ZNF778: variants seen among roughly 807,000 people sequenced by gnomAD.
ZNF778 encodes the protein zinc finger protein 778.
Under a neutral mutation model 23.9 loss-of-function variants are expected in ZNF778, and 37 were observed. The observed-to-expected ratio is 1.54, with a 90% CI of 1.19 to 2.03. The LOEUF (loss-of-function observed/expected upper bound fraction) is 2.03. ZNF778 is among the 30% of genes most tolerant of loss of function. ZNF778 has a pLI of 0.00. For synonymous variants in ZNF778, 483 were observed against 343.9 expected (o/e 1.40, Z -4.48); for missense variants, 1,297 against 934.4 (o/e 1.39, Z -5.06).
At chr16:89,223,977 A>G (rs1449957098) in intron 4 of ZNF778, among the ~76,000 whole-genome samples, 3 of 151,292 alleles carry the variant, frequency 2.0e-5, no homozygotes, top group African/African-American at 4.9e-5. Context: ...TAATCCCAGC[A>G]CTCTGGGAGG....
At position 89,217,735 on chromosome 16, in the gene ZNF778, TGCGTGCTGGCGCCG is replaced by T. The variant is rs2030475789; in HGVS notation, c.-305_-292del. On this transcript the variant is annotated 5_prime_UTR_variant, in exon 1 of 7. Coordinates refer to ENST00000433976, the MANE Select transcript of ZNF778 (RefSeq NM_001201407.2). The stretch of plus-strand genomic sequence containing the variant: ...ACAGCTGATCCGGTTCTTGCGGCGG[TGCGTGCTGGCGCCG>T]GAGAGTTCCGCGCGTGTCCTCGGGC... 1 of 152,216 alleles carries T rather than the reference TGCGTGCTGGCGCCG, an allele frequency of 6.6e-6. No homozygotes were observed. The highest frequency in any genetic ancestry group is 1.5e-5 in the Non-Finnish European group (1 of 68,024). The allele number at this position is 152,216 out of a possible 1,614,324, so 9.4% of individuals were successfully genotyped here.
chr16:89,233,952 G>A lies in ZNF778; in HGVS notation c.*5390G>A, dbSNP rs1326960267. On this transcript the variant is annotated 3_prime_UTR_variant, in exon 7 of 7. Coordinates refer to ENST00000433976, the MANE Select transcript of ZNF778 (RefSeq NM_001201407.2). ...CATGCTGTATGCCCTTGGGCCTGCTGGAAGTATGCAGACTAGCCAGCCCCA... is the reference window on the plus strand; with the variant it reads ...CATGCTGTATGCCCTTGGGCCTGCTAGAAGTATGCAGACTAGCCAGCCCCA... The A allele has an allele frequency of 1.6e-5, 21 of 1,282,222 alleles. No homozygotes were observed. The highest frequency in any genetic ancestry group is 1.9e-5 in the Non-Finnish European group (19 of 982,484). The allele number at this position is 1,282,222 out of a possible 1,614,324, so 79.4% of individuals were successfully genotyped here. A position where few individuals can be genotyped will look rare whatever the true frequency, so the allele number is the denominator to read the frequency against.
chr16:89,227,764 G>C lies in ZNF778; in HGVS notation c.1476G>C (p.Leu492=). The C allele has an allele frequency of 6.2e-7, 1 of 1,612,866 alleles. No homozygotes were observed. Among genetic ancestry groups the C allele is most frequent in the South Asian group, 1.1e-5 (1 of 91,004 alleles). ...AATCCTTCACTGTTTCTTCAAGCCT[G>C]ACTGAGCACGCGAGAATCCATACCG... ...CGKSFTVSSS[L]TEHARIHTGE... Residue 492 remains leucine (L), a synonymous_variant, in exon 7 of 7, where the codon CTG becomes CTC. Coordinates refer to ENST00000433976, the MANE Select transcript of ZNF778 (RefSeq NM_001201407.2).
At position 89,228,740 on chromosome 16, in the gene ZNF778, C is replaced by G; in HGVS notation, c.*178C>G. 1.4e-6 allele frequency: 2 copies of G among 1,415,470 alleles called. No individual in the cohort carries two copies. Among genetic ancestry groups the G allele is most frequent in the Non-Finnish European group, 1.8e-6 (2 of 1,089,732 alleles). The allele number at this position is 1,415,470 out of a possible 1,614,324, so 87.7% of individuals were successfully genotyped here. On this transcript the variant is annotated 3_prime_UTR_variant, in exon 7 of 7. Coordinates refer to ENST00000433976, the MANE Select transcript of ZNF778 (RefSeq NM_001201407.2). ...ATGCAGCAGACACAGAGAAAGCCCTCAGTGTTCTCTAAGGTCTTGCTGAAT... is the reference window on the plus strand; with the variant it reads ...ATGCAGCAGACACAGAGAAAGCCCTGAGTGTTCTCTAAGGTCTTGCTGAAT...
intron 6 of ZNF778, 114 bp downstream of exon 6, chr16:89,225,745 AG>A: frequency 1.0e-6 from 1 of 971,254 alleles, no homozygotes. Flanking sequence ...TCACTCAGGC[AG>A]GGGTTGTCTG....
chr16:89,225,476 T>A (rs545360136), intron 5 of ZNF778, 79 bp from the exon 6 acceptor site: 1 of 1,206,866 alleles, frequency 8.3e-7, no homozygotes, highest in African/African-American at 1.5e-5. Context: ...TTTGCTTTGT[T>A]TTTTTTTCTG....
At position 89,228,349 on chromosome 16, in the gene ZNF778, C is replaced by A. The variant is rs1158887624; in HGVS notation, c.2061C>A (p.His687Gln). The change falls in exon 7 of 7, where the codon CAC (histidine) becomes CAA (glutamine). Residue 687 changes from histidine (H) to glutamine (Q), a missense_variant. Coordinates refer to ENST00000433976, the MANE Select transcript of ZNF778 (RefSeq NM_001201407.2). Reference sequence around the variant, plus strand: ...GGAAAGCCTTCCGTGCCTCCTCTCACCTGCATAAACATGGAAGAATTCACA... The same window carrying A: ...GGAAAGCCTTCCGTGCCTCCTCTCAACTGCATAAACATGGAAGAATTCACA... ...ECGKAFRASS[H>Q]LHKHGRIHTG... 1 of 1,613,556 alleles carries A rather than the reference C, an allele frequency of 6.2e-7. No individual in the cohort carries two copies. Among genetic ancestry groups the A allele is most frequent in the East Asian group, 2.2e-5 (1 of 44,892 alleles).
chr16:89,228,671 C>T lies in ZNF778; in HGVS notation c.*109C>T, dbSNP rs2031726275. ...TTGAGGAATGTGGCTAGGCAATCAGCATCTCATCACAACCCGGCAGGCAGG... is the reference window on the plus strand; with the variant it reads ...TTGAGGAATGTGGCTAGGCAATCAGTATCTCATCACAACCCGGCAGGCAGG... On this transcript the variant is annotated 3_prime_UTR_variant, in exon 7 of 7. Transcript: ENST00000433976. The T allele has an allele frequency of 2.7e-6, 4 of 1,497,198 alleles. No homozygotes were observed. Among genetic ancestry groups the T allele is most frequent in the Non-Finnish European group, 3.5e-6 (4 of 1,129,270 alleles). The allele number at this position is 1,497,198 out of a possible 1,614,324, so 92.7% of individuals were successfully genotyped here.
rs2032072536 is a variant in ZNF778, at chr16:89,233,309, CGT to C, written c.*4748_*4749del. 7.8e-7 allele frequency: 1 copy of C among 1,279,888 alleles called. No homozygotes were observed. Among genetic ancestry groups the C allele is most frequent in the African/African-American group, 1.6e-5 (1 of 62,316 alleles). The allele number at this position is 1,279,888 out of a possible 1,614,324, so 79.3% of individuals were successfully genotyped here. On this transcript the variant is annotated 3_prime_UTR_variant, in exon 7 of 7. Coordinates refer to ENST00000433976, the MANE Select transcript of ZNF778 (RefSeq NM_001201407.2). ...TGCGTATGCAACTCAGCTCGCTCTG[CGT>C]ATGCAACTCAGCTCGCTCTGCGTAT...
Position 89,231,585 on chromosome 16 carries a change from T to C in ZNF778, c.*3023T>C, listed in dbSNP as rs1031720052. 6.6e-6 allele frequency: 1 copy of C among 152,142 alleles called. No homozygotes were observed. Among genetic ancestry groups the C allele is most frequent in the Non-Finnish European group, 1.5e-5 (1 of 68,054 alleles). The allele number at this position is 152,142 out of a possible 1,614,324, so 9.4% of individuals were successfully genotyped here. ...GGTTCCTAAGGCACAAATTTGATAT[T>C]TGAGATTCTGTGATGAGCTGAGCTT... On this transcript the variant is annotated 3_prime_UTR_variant, in exon 7 of 7. Transcript: ENST00000433976.
In ZNF778 at chr16:89,232,901, T is replaced by A; in HGVS notation, c.*4339T>A. 7.8e-7 allele frequency: 1 copy of A among 1,282,518 alleles called. No homozygotes were observed. Among genetic ancestry groups the A allele is most frequent in the South Asian group, 1.3e-5 (1 of 79,282 alleles). The allele number at this position is 1,282,518 out of a possible 1,614,324, so 79.4% of individuals were successfully genotyped here. A position where few individuals can be genotyped will look rare whatever the true frequency, so the allele number is the denominator to read the frequency against. ...TATGCAACTCAACTCGCACTGCGTA[T>A]GCAACTCAACTCGCACTGCGTATGC... is the stretch of plus-strand genomic sequence containing the variant. On this transcript the variant is annotated 3_prime_UTR_variant, in exon 7 of 7. Transcript: ENST00000433976.
rs907165489 is a variant in ZNF778 at position 89,236,557 on chromosome 16, C to G, written c.*7995C>G. Reference sequence around the variant, plus strand: ...AGAGTAAATACCTGAGTAAATAGATCAGATCATTCTACTCTTGAGTTCTTT... The same window carrying G: ...AGAGTAAATACCTGAGTAAATAGATGAGATCATTCTACTCTTGAGTTCTTT... On this transcript the variant is annotated 3_prime_UTR_variant, in exon 7 of 7. Transcript: ENST00000433976. 3 of 152,152 alleles carry G rather than the reference C, an allele frequency of 2.0e-5. No individual in the cohort carries two copies. The highest frequency in any genetic ancestry group is 4.8e-5 in the African/African-American group (2 of 41,420). 9.4% of individuals were successfully genotyped at this position (152,152 alleles called of 1,614,324 possible).
In ZNF778 at chr16:89,228,809, G is replaced by A; in HGVS notation, c.*247G>A. The A allele has an allele frequency of 8.0e-7, 1 of 1,246,164 alleles. No homozygotes were observed. Among genetic ancestry groups the A allele is most frequent in the Non-Finnish European group, 1.0e-6 (1 of 993,540 alleles). The allele number at this position is 1,246,164 out of a possible 1,614,324, so 77.2% of individuals were successfully genotyped here. A position where few individuals can be genotyped will look rare whatever the true frequency, so the allele number is the denominator to read the frequency against. ...AGAGAACTCTATTGATGTGTGATAT[G>A]CAGCAGCATTGTTGCTGTTCTGCTC... On this transcript the variant is annotated 3_prime_UTR_variant, in exon 7 of 7. Coordinates refer to ENST00000433976, the MANE Select transcript of ZNF778 (RefSeq NM_001201407.2).
At position 89,227,611 on chromosome 16, in the gene ZNF778, AACAC is replaced by A. The variant is rs751582474; in HGVS notation, c.1328_1331del (p.His443ArgfsTer25). 29 of 1,614,046 alleles carry A rather than the reference AACAC, an allele frequency of 1.8e-5. No individual in the cohort carries two copies. The African/African-American group carries it at 3.9e-4, about 22-fold the overall frequency. On this transcript the variant is annotated frameshift_variant, in exon 7 of 7. Coordinates refer to ENST00000433976, the MANE Select transcript of ZNF778 (RefSeq NM_001201407.2). LOFTEE classifies it low-confidence loss of function (END_TRUNC). ...GCTGTGGCCTTACTAGACACGTACGAACACACACGGGCGAGAAGCCATACACGTG... is the reference window on the plus strand; with the variant it reads ...GCTGTGGCCTTACTAGACACGTACGAACACGGGCGAGAAGCCATACACGTG...
At position 89,223,271 on chromosome 16, in the gene ZNF778, C is replaced by T. The variant is rs763093537; in HGVS notation, c.232C>T (p.Leu78=). ...RDVMLENYEN[L]ASVGHHLFQP... Reference sequence around the variant, plus strand: ...TGTGATGCTGGAAAACTACGAGAACCTGGCCTCAGTAGGTGAGGCTGCCAC... The same window carrying T: ...TGTGATGCTGGAAAACTACGAGAACTTGGCCTCAGTAGGTGAGGCTGCCAC... The change falls in exon 4 of 7, where the codon CTG becomes TTG. Residue 78 remains leucine (L), a synonymous_variant. Transcript: ENST00000433976. 5 of 1,613,804 alleles carry T rather than the reference C, an allele frequency of 3.1e-6. No homozygotes were observed. Among genetic ancestry groups the T allele is most frequent in the Admixed American group, 3.3e-5 (2 of 59,924 alleles).
intron 6 of ZNF778, 23 bp from the exon 7 acceptor site, chr16:89,226,671 C>T (rs776378210): frequency 2.5e-6 from 4 of 1,589,878 alleles, no homozygotes; most frequent in South Asian, 2.3e-5. Flanking sequence ...ACCCCCTGAC[C>T]ACCACTCATT....
Position 89,228,233 on chromosome 16 carries a change from G to A in ZNF778, c.1945G>A (p.Glu649Lys). 1.2e-6 allele frequency: 2 copies of A among 1,614,056 alleles called. No individual in the cohort carries two copies. The highest frequency in any genetic ancestry group is 1.7e-6 in the Non-Finnish European group (2 of 1,179,936). Residue 649 changes from glutamate to lysine, a missense_variant, in exon 7 of 7, where the codon GAG (glutamate) becomes AAG (lysine). Physicochemically the swap from Glu to Lys is moderately conservative, Grantham distance 56 (BLOSUM62 1). Coordinates refer to ENST00000433976, the MANE Select transcript of ZNF778 (RefSeq NM_001201407.2). The part of the protein sequence containing the change: ...HTGEKPYICK[E>K]CGKAFASSSH... ...CGGTGAGAAACCCTACATATGTAAG[G>A]AGTGTGGGAAAGCCTTTGCTTCCTC...
intron 2 of ZNF778, 54 bp downstream of exon 2, chr16:89,221,206 AGTGT>A: frequency 5.4e-5 from 2 of 36,970 alleles, no homozygotes; most frequent in South Asian, 2.0e-4. Flanking sequence ...CCTGATACAC[AGTGT>A]GTGTATCAGG....
At chr16:89,223,083 C>G (rs906208757) in intron 3 of ZNF778, 74 bp from the exon 4 acceptor site, 18 of 1,547,412 alleles carry the variant, frequency 1.2e-5, no homozygotes, top group Admixed American at 2.0e-5. Flanking sequence ...AGGCGTAGGG[C>G]CCCGCCTCCT....
Sources: allele counts gnomAD v4.1 joint callset (sites outside exome capture counted in the v4.1 genomes callset), GRCh38; gene constraint gnomAD v4.1.1; transcripts MANE v1.5; gene names NCBI Gene and HGNC (gene_info 2026-07-23, HGNC 2026-07-21).